CSMD1: variants seen among roughly 807,000 people sequenced by gnomAD.
CSMD1 encodes the protein CUB and sushi domain-containing protein 1.
In CSMD1, 213 loss-of-function variants were observed where a neutral mutation model predicts 417.5. The observed-to-expected ratio is 0.51, with a 90% CI of 0.46 to 0.57. The LOEUF is 0.57. CSMD1 is among the 20% of genes least tolerant of loss of function. The pLI is 0.00. For missense variants in CSMD1, 6,923 were observed against 4,529.7 expected (o/e 1.53, Z -15.17); for synonymous variants, 2,862 against 1,736.8 (o/e 1.65, Z -16.11).
chr8:4,598,518 C>T (rs1223556079), intron 2 of CSMD1, among the ~76,000 whole-genome samples: 1 of 152,144 alleles, frequency 6.6e-6, no homozygotes, highest in Non-Finnish European at 1.5e-5. Flanking sequence ...ACAGGTGTGG[C>T]TGCTTAGTTA....
chr8:4,549,963 TTCTCTTAAAA>T (rs1797798022), intron 2 of CSMD1, among the ~76,000 whole-genome samples: 12 of 149,482 alleles, frequency 8.0e-5, no homozygotes, highest in Non-Finnish European at 1.3e-4. Context: ...ATTTTCAACA[TTCTCTTAAAA>T]TGGTAACTTT....
intron 5 of CSMD1, among the ~76,000 whole-genome samples, chr8:3,933,359 G>T (rs890113497): frequency 2.0e-5 from 3 of 152,046 alleles, no homozygotes; most frequent in African/African-American, 7.2e-5. Flanking sequence ...TGTTTTTGGC[G>T]ACATTTCAGT....
rs76469702 is a variant in CSMD1 at position 4,031,752 on chromosome 8, T to C, written c.610+153A>G. Among the ~76,000 whole-genome samples the C allele has an allele frequency of 4.2e-3, 634 of 152,332 alleles. 4 individuals carry two copies. Among genetic ancestry groups the C allele is most frequent in the African/African-American group, 0.014 (601 of 41,560 alleles). Reference sequence around the variant, plus strand: ...TGTTATTTCTTACATAGTAATAACATGTAATATTGCTTTCAGGAGCAGAAT... The same window carrying C: ...TGTTATTTCTTACATAGTAATAACACGTAATATTGCTTTCAGGAGCAGAAT... On this transcript the variant is annotated intron_variant, in intron 4 of 69. Coordinates refer to ENST00000635120, the MANE Select transcript of CSMD1 (RefSeq NM_033225.6).
At chr8:3,798,487 C>A (rs765542118) in intron 5 of CSMD1, among the ~76,000 whole-genome samples, 2 of 151,960 alleles carry the variant, frequency 1.3e-5, no homozygotes, top group South Asian at 4.1e-4. Flanking sequence ...TGTGGATATA[C>A]TGCAGAAGGT....
At chr8:4,444,276 G>T (rs765638002) in intron 2 of CSMD1, among the ~76,000 whole-genome samples, 56 of 147,504 alleles carry the variant, frequency 3.8e-4, no homozygotes, top group Non-Finnish European at 1.9e-4. Flanking sequence ...TGGGCTGGGA[G>T]GTGGACGTTG....
At chr8:3,781,659 G>A (rs1286238608) in intron 5 of CSMD1, among the ~76,000 whole-genome samples, 2 of 152,306 alleles carry the variant, frequency 1.3e-5, no homozygotes, top group East Asian at 1.9e-4. Context: ...TGATGTGAAT[G>A]GCAGGTGCCT....
At chr8:4,005,824 G>A (rs895380035) in intron 4 of CSMD1, among the ~76,000 whole-genome samples, 11 of 152,116 alleles carry the variant, frequency 7.2e-5, no homozygotes, top group Admixed American at 2.6e-4. Flanking sequence ...AACAGACCCC[G>A]GATTGCTAGC....
intron 1 of CSMD1, chr8:4,788,437 C>A (rs2117221437): frequency 7.5e-7 from 1 of 1,326,372 alleles, no homozygotes; most frequent in East Asian, 2.3e-5. Context: ...GCTGTTCAAC[C>A]ACACTTTCTC....
chr8:3,257,833 C>T lies in CSMD1; in HGVS notation c.4153+26311G>A, dbSNP rs372152037. Reference sequence around the variant, plus strand: ...GGTGGGGTGAGGGGAGAATTGCAGGCAGCTGCAAGGGACTTGGGGCTTGAC... The same window carrying T: ...GGTGGGGTGAGGGGAGAATTGCAGGTAGCTGCAAGGGACTTGGGGCTTGAC... On this transcript the variant is annotated intron_variant, in intron 26 of 69. Coordinates refer to ENST00000635120, the MANE Select transcript of CSMD1 (RefSeq NM_033225.6). 2.2e-4 allele frequency among the ~76,000 whole-genome samples: 33 copies of T among 152,210 alleles called. 1 individual carries two copies. The East Asian group carries it at 5.8e-3, about 27-fold the overall frequency.
chr8:3,202,455 C>T (rs1045479334), intron 31 of CSMD1, among the ~76,000 whole-genome samples: 1 of 152,174 alleles, frequency 6.6e-6, no homozygotes, highest in Non-Finnish European at 1.5e-5. Flanking sequence ...GAACACACCT[C>T]CTCCAAGTGA....
intron 1 of CSMD1, among the ~76,000 whole-genome samples, chr8:4,868,174 A>G (rs1386190224): frequency 6.6e-6 from 1 of 152,128 alleles, no homozygotes; most frequent in Non-Finnish European, 1.5e-5. Context: ...AAATAAATTT[A>G]CATATGCAAA....
At chr8:4,939,729 C>T (rs765972972) in intron 1 of CSMD1, among the ~76,000 whole-genome samples, 1 of 152,112 alleles carries the variant, frequency 6.6e-6, no homozygotes, top group Non-Finnish European at 1.5e-5. Flanking sequence ...ATCTATTGTA[C>T]AGCACAGAGA....
chr8:4,470,896 G>A (rs930337088), intron 2 of CSMD1, among the ~76,000 whole-genome samples: 2 of 152,150 alleles, frequency 1.3e-5, no homozygotes, highest in Non-Finnish European at 2.9e-5. Flanking sequence ...AACTCTTAAT[G>A]TAAATGATTG....
chr8:3,820,906 G>A (rs1055593963), intron 5 of CSMD1, among the ~76,000 whole-genome samples: 1 of 151,920 alleles, frequency 6.6e-6, no homozygotes, highest in Non-Finnish European at 1.5e-5. Context: ...ACCTGCCTGA[G>A]GGTGTTCTAT....
chr8:4,213,269 G>A (rs781322744), intron 3 of CSMD1, among the ~76,000 whole-genome samples: 1 of 152,074 alleles, frequency 6.6e-6, no homozygotes, highest in Non-Finnish European at 1.5e-5. Flanking sequence ...GTGAGGCGGG[G>A]TCCTGTCAGG....
chr8:4,052,846 C>A (rs1483721389), intron 3 of CSMD1, among the ~76,000 whole-genome samples: 1 of 152,152 alleles, frequency 6.6e-6, no homozygotes, highest in African/African-American at 2.4e-5. Context: ...GTAAACCCCT[C>A]TCCATCTCTC....
At chr8:4,378,836 C>G (rs1802917392) in intron 3 of CSMD1, among the ~76,000 whole-genome samples, 1 of 152,140 alleles carries the variant, frequency 6.6e-6, no homozygotes, top group Non-Finnish European at 1.5e-5. Flanking sequence ...TGTGAGGACA[C>G]ATAGAAGGCA....
chr8:3,562,417 A>ACACACACACGTACACACATGCATAC (rs1554470709), intron 10 of CSMD1, among the ~76,000 whole-genome samples: 3 of 145,326 alleles, frequency 2.1e-5, no homozygotes, highest in East Asian at 2.0e-4. Context: ...CACATGCACA[A>ACACACACACGTACACACATGCATAC]ACACACATGC....
chr8:3,112,654 C>T (rs1396889725), intron 42 of CSMD1, among the ~76,000 whole-genome samples: 1 of 152,116 alleles, frequency 6.6e-6, no homozygotes, highest in Non-Finnish European at 1.5e-5. Flanking sequence ...GATGGAGATG[C>T]CATAGTGAAC....
Sources: gnomAD v4.1 joint callset for allele counts (sites outside exome capture counted in the v4.1 genomes callset) on GRCh38, gnomAD v4.1.1 for gene constraint, MANE v1.5 for transcripts, NCBI Gene and HGNC (gene_info 2026-07-23, HGNC 2026-07-21) for gene names.